BANF2: variants seen among roughly 807,000 people sequenced by gnomAD.
BANF2 encodes barrier-to-autointegration factor-like protein.
BANF2 carries 4 observed loss-of-function variants against 8.0 expected under a neutral mutation model. The observed-to-expected ratio is 0.50, with a 90% CI of 0.25 to 1.14. BANF2 has a LOEUF of 1.14. BANF2 is among the 50% of genes most tolerant of loss of function. The pLI is 0.16. For missense variants in BANF2, 96 were observed against 107.5 expected, an observed-to-expected ratio of 0.89 and a Z score of 0.47; for synonymous variants, 50 against 40.6, an observed-to-expected ratio of 1.23 and a Z score of -0.88.
upstream of BANF2, among the ~76,000 whole-genome samples, chr20:17,698,575 A>G (rs2122559378): frequency 6.6e-6 from 1 of 152,322 alleles, no homozygotes; most frequent in East Asian, 1.9e-4. Flanking sequence ...CTACCAACTG[A>G]TAATAGTCAT....
At position 17,725,109 on chromosome 20, in the gene BANF2, C is replaced by G. The variant is rs138918474; in HGVS notation, c.84C>G (p.Ser28Arg). Reference sequence around the variant, plus strand: ...ATGTCTGCTGGGTGGATGGCATCAGCCATGAGCTCGCGATCAATTTGGTCA... The same window carrying G: ...ATGTCTGCTGGGTGGATGGCATCAGGCATGAGCTCGCGATCAATTTGGTCA... ...EKDVCWVDGI[S>R]HELAINLVTK... is the part of the protein sequence containing the mutation. Residue 28 changes from serine (S) to arginine (R), a missense_variant, in exon 3 of 4, where the codon AGC becomes AGG. Physicochemically the swap from Ser to Arg is moderately radical, Grantham distance 110 (BLOSUM62 -1). Transcript: ENST00000246090. The G allele has an allele frequency of 1.9e-6, 3 of 1,612,792 alleles. No homozygotes were observed. In the African/African-American group the frequency reaches 4.0e-5, roughly 22 times the overall value.
intron 1 of BANF2, among the ~76,000 whole-genome samples, chr20:17,707,638 G>A (rs962633853): frequency 2.0e-5 from 3 of 151,940 alleles, no homozygotes; most frequent in African/African-American, 7.2e-5. Context: ...GGAGTGCAAT[G>A]GCACGATCTC....
intron 1 of BANF2, among the ~76,000 whole-genome samples, chr20:17,710,950 G>A (rs1448542002): frequency 5.3e-5 from 8 of 152,056 alleles, no homozygotes; most frequent in Non-Finnish European, 1.0e-4. Flanking sequence ...GGGGGCGGGG[G>A]CGCCGCCAGA....
At chr20:17,711,488 C>T (rs768549178) in intron 1 of BANF2, among the ~76,000 whole-genome samples, 12 of 152,176 alleles carry the variant, frequency 7.9e-5, no homozygotes, top group Middle Eastern at 3.2e-3. Context: ...GCCTGAGAGC[C>T]GGGTTCCGGT....
intron 3 of BANF2, among the ~76,000 whole-genome samples, chr20:17,734,022 A>G (rs1328798764): frequency 6.6e-6 from 1 of 152,200 alleles, no homozygotes; most frequent in East Asian, 1.9e-4. Context: ...GAGAGCCCCC[A>G]AAACCAGCCC....
chr20:17,695,655 A>G (rs568653978), upstream of BANF2, among the ~76,000 whole-genome samples: 26 of 152,098 alleles, frequency 1.7e-4, no homozygotes, highest in Admixed American at 8.5e-4. Flanking sequence ...CCACACATAC[A>G]TATATGTGTA....
intron 3 of BANF2, among the ~76,000 whole-genome samples, chr20:17,729,697 C>T (rs1224833200): frequency 3.3e-5 from 5 of 152,208 alleles, no homozygotes; most frequent in Non-Finnish European, 2.9e-5. Context: ...GATTGCACCA[C>T]TGCCCTCCAG....
chr20:17,725,258 A>G, intron 3 of BANF2, 107 bp downstream of exon 3: 1 of 1,388,174 alleles, frequency 7.2e-7, no homozygotes, highest in Middle Eastern at 1.8e-4. Flanking sequence ...GCCATCAGAG[A>G]GCAAAGCTGC....
chr20:17,701,139 C>G (rs1037632458), intron 1 of BANF2, among the ~76,000 whole-genome samples: 2 of 152,154 alleles, frequency 1.3e-5, no homozygotes, highest in Admixed American at 1.3e-4. Flanking sequence ...AAATCCAAGA[C>G]GCCAATGGTT....
At chr20:17,720,285 C>A (rs1374979716) in intron 1 of BANF2, among the ~76,000 whole-genome samples, 3 of 152,200 alleles carry the variant, frequency 2.0e-5, no homozygotes, top group Admixed American at 2.0e-4. Context: ...TTTGTGTACC[C>A]ATGTTCGTAG....
At chr20:17,724,531 T>C (rs1309743602) in intron 2 of BANF2, among the ~76,000 whole-genome samples, 1 of 152,192 alleles carries the variant, frequency 6.6e-6, no homozygotes, top group Non-Finnish European at 1.5e-5. Flanking sequence ...CCTGCAGGCT[T>C]TGGATTTCTA....
intron 2 of BANF2, among the ~76,000 whole-genome samples, chr20:17,724,454 G>A (rs1156347016): frequency 1.3e-5 from 2 of 152,176 alleles, no homozygotes. Flanking sequence ...AGCCAAGCAA[G>A]AATAAAGCCA....
At position 17,719,645 on chromosome 20, in the gene BANF2, C is replaced by A. The variant is rs149613507; in HGVS notation, c.-166-3071C>A. Among the ~76,000 whole-genome samples, 182 of 150,544 alleles carry A rather than the reference C, an allele frequency of 1.2e-3. 1 individual carries two copies. Among genetic ancestry groups the A allele is most frequent in the African/African-American group, 4.3e-3 (177 of 40,834 alleles). On this transcript the variant is annotated intron_variant, in intron 1 of 3. Coordinates refer to ENST00000246090, the MANE Select transcript of BANF2 (RefSeq NM_178477.5). Reference sequence around the variant, plus strand: ...TTGATCTATTTTATGTAAAGGAATTCCAGGTATAATTTCCTTTGAAGTAAA... The same window carrying A: ...TTGATCTATTTTATGTAAAGGAATTACAGGTATAATTTCCTTTGAAGTAAA...
chr20:17,693,960 G>A (rs1387974768), intron 1 of BANF2, among the ~76,000 whole-genome samples: 5 of 152,248 alleles, frequency 3.3e-5, no homozygotes, highest in South Asian at 2.1e-4. Flanking sequence ...CGACGGGCAC[G>A]TCTTGGACGG....
At chr20:17,716,841 C>CAAAA (rs36007590) in intron 1 of BANF2, among the ~76,000 whole-genome samples, 32 of 89,552 alleles carry the variant, frequency 3.6e-4, no homozygotes, top group Admixed American at 4.3e-4. Context: ...GACTCCATCT[C>CAAAA]AAAAAAAAAA....
intron 1 of BANF2, among the ~76,000 whole-genome samples, chr20:17,694,186 A>G (rs376501250): frequency 5.9e-5 from 9 of 152,228 alleles, no homozygotes; most frequent in African/African-American, 1.9e-4. Context: ...CCTCTCCACA[A>G]GGTGGTATGG....
chr20:17,734,688 C>T (rs1380443048), intron 3 of BANF2, among the ~76,000 whole-genome samples: 2 of 152,140 alleles, frequency 1.3e-5, no homozygotes, highest in African/African-American at 2.4e-5. Flanking sequence ...AGGGTGCCAC[C>T]GGCATGCGTA....
chr20:17,708,480 CTCAGAAGAGCCAG>C (rs754999075), intron 1 of BANF2, among the ~76,000 whole-genome samples: 19 of 152,286 alleles, frequency 1.2e-4, no homozygotes, highest in Middle Eastern at 3.4e-3. Flanking sequence ...CTTGAAAAGA[CTCAGAAGAGCCAG>C]TCACATGGGA....
intron 3 of BANF2, 95 bp from the exon 4 acceptor site, chr20:17,735,570 G>A: frequency 7.1e-7 from 1 of 1,412,104 alleles, no homozygotes; most frequent in Non-Finnish European, 9.8e-7. Context: ...TCCTTTGATT[G>A]TCACGTGAGC....
Sources: gnomAD v4.1 joint callset for allele counts (sites outside exome capture counted in the v4.1 genomes callset) on GRCh38, gnomAD v4.1.1 for gene constraint, MANE v1.5 for transcripts, NCBI Gene and HGNC (gene_info 2026-07-23, HGNC 2026-07-21) for gene names.